CLSTN2: variants seen among roughly 807,000 people sequenced by gnomAD.
CLSTN2 encodes calsyntenin-2.
Under a neutral mutation model 101.2 loss-of-function variants are expected in CLSTN2, and 48 were observed. The observed-to-expected ratio is 0.47, with a 90% CI of 0.38 to 0.60. CLSTN2 has a LOEUF of 0.60. CLSTN2 is among the 20% of genes least tolerant of loss of function. The pLI, the probability that CLSTN2 is intolerant of heterozygous loss-of-function variation, is 0.00. For synonymous variants in CLSTN2, 481 were observed against 463.6 expected (o/e 1.04, Z -0.48); for missense variants, 1,160 against 1,238.2 (o/e 0.94, Z 0.95).
intron 2 of CLSTN2, among the ~76,000 whole-genome samples, chr3:140,209,218 C>T (rs540386301): frequency 6.6e-5 from 10 of 152,186 alleles, no homozygotes; most frequent in East Asian, 1.9e-4. Flanking sequence ...GAGGATGCAG[C>T]GAGCAGCACT....
At chr3:140,497,903 C>T (rs775994637) in intron 8 of CLSTN2, among the ~76,000 whole-genome samples, 1 of 152,168 alleles carries the variant, frequency 6.6e-6, no homozygotes, top group Non-Finnish European at 1.5e-5. Context: ...GTCATACAAT[C>T]ACTCACAGCT....
chr3:140,173,123 G>C (rs781311188), intron 1 of CLSTN2, among the ~76,000 whole-genome samples: 3 of 152,202 alleles, frequency 2.0e-5, no homozygotes, highest in Non-Finnish European at 4.4e-5. Context: ...CTATGAACTT[G>C]TAAAATCAAA....
rs1369067789 is a variant in CLSTN2, at chr3:140,430,237, C to T, written c.787+8963C>T. ...TGTCTGAGGTTCCACCATTGCAGTA[C>T]CAACCTTTTATTTTAATAGATAATC... On this transcript the variant is annotated intron_variant, in intron 5 of 16. Coordinates refer to ENST00000458420, the MANE Select transcript of CLSTN2 (RefSeq NM_022131.3). Among the ~76,000 whole-genome samples, 6 of 152,052 alleles carry T rather than the reference C, an allele frequency of 3.9e-5. No homozygotes were observed. The East Asian group carries it at 1.2e-3, about 29-fold the overall frequency.
intron 2 of CLSTN2, among the ~76,000 whole-genome samples, chr3:140,237,070 G>T (rs1559815331): frequency 6.6e-6 from 1 of 152,050 alleles, no homozygotes; most frequent in Non-Finnish European, 1.5e-5. Context: ...TTTTTTATTG[G>T]ATTCTGGACA....
chr3:140,207,601 G>A (rs374002030), intron 2 of CLSTN2, among the ~76,000 whole-genome samples: 1 of 152,210 alleles, frequency 6.6e-6, no homozygotes, highest in African/African-American at 2.4e-5. Flanking sequence ...TGTTCATGGT[G>A]GTTTTTAAAA....
chr3:140,183,888 G>C (rs1445609822), intron 2 of CLSTN2, among the ~76,000 whole-genome samples: 1 of 152,234 alleles, frequency 6.6e-6, no homozygotes, highest in African/African-American at 2.4e-5. Context: ...CAAGAACACA[G>C]TAGTAATGGT....
chr3:140,279,765 C>T (rs1356141956), intron 2 of CLSTN2, among the ~76,000 whole-genome samples: 1 of 152,144 alleles, frequency 6.6e-6, no homozygotes, highest in Non-Finnish European at 1.5e-5. Flanking sequence ...AGAAATGGGC[C>T]AATAGCTCCT....
intron 1 of CLSTN2, among the ~76,000 whole-genome samples, chr3:140,013,618 G>A (rs112881051): frequency 0.013 from 2,034 of 152,154 alleles, 41 homozygotes; most frequent in African/African-American, 0.042. Context: ...AGAAAATCCA[G>A]TGCTTAGATC....
At chr3:140,348,405 A>C (rs1224403548) in intron 2 of CLSTN2, among the ~76,000 whole-genome samples, 1 of 152,170 alleles carries the variant, frequency 6.6e-6, no homozygotes, top group African/African-American at 2.4e-5. Context: ...TCAATCAGCA[A>C]AGACTATTTT....
chr3:140,560,352 C>A lies in CLSTN2; in HGVS notation c.2041+1495C>A, dbSNP rs534658805. Among the ~76,000 whole-genome samples, 3 of 152,290 alleles carry A rather than the reference C, an allele frequency of 2.0e-5. No individual in the cohort carries two copies. In the East Asian group the frequency reaches 5.8e-4, roughly 29 times the overall value. On this transcript the variant is annotated intron_variant, in intron 12 of 16. Transcript: ENST00000458420. Reference sequence around the variant, plus strand: ...AGACAGGAGATTCCCCCAACATGCACACACACACGCCTCCCTCACACTCTG... The same window carrying A: ...AGACAGGAGATTCCCCCAACATGCAAACACACACGCCTCCCTCACACTCTG...
At chr3:140,358,556 G>C (rs1279885901) in intron 2 of CLSTN2, among the ~76,000 whole-genome samples, 1 of 152,140 alleles carries the variant, frequency 6.6e-6, no homozygotes, top group Non-Finnish European at 1.5e-5. Context: ...AATGTGATTA[G>C]AGACCATGAC....
rs551348282 is a variant in CLSTN2 at position 140,451,410 on chromosome 3, G to A, written c.973+2706G>A. Reference sequence around the variant, plus strand: ...AGCCAGCAAGGCCGTTTCCCCCAAGGTGTGGACTTATTTGGAGTTGGGAGC... The same window carrying A: ...AGCCAGCAAGGCCGTTTCCCCCAAGATGTGGACTTATTTGGAGTTGGGAGC... On this transcript the variant is annotated intron_variant, in intron 6 of 16. Coordinates refer to ENST00000458420, the MANE Select transcript of CLSTN2 (RefSeq NM_022131.3). 5.3e-5 allele frequency among the ~76,000 whole-genome samples: 8 copies of A among 152,306 alleles called. No homozygotes were observed. The East Asian group carries it at 1.5e-3, about 29-fold the overall frequency.
chr3:139,982,367 A>C (rs1443834748), intron 1 of CLSTN2, among the ~76,000 whole-genome samples: 1 of 137,018 alleles, frequency 7.3e-6, no homozygotes, highest in African/African-American at 2.7e-5. Context: ...AAACATCTTA[A>C]ATTTTTTTTT....
intron 11 of CLSTN2, among the ~76,000 whole-genome samples, chr3:140,557,733 C>T (rs1031749125): frequency 6.7e-4 from 102 of 152,290 alleles, no homozygotes; most frequent in African/African-American, 2.4e-3. Context: ...ATGGCTGTCA[C>T]CAGCTGAACC....
chr3:140,516,490 T>C (rs1327328283), intron 8 of CLSTN2, among the ~76,000 whole-genome samples: 6 of 152,198 alleles, frequency 3.9e-5, no homozygotes, highest in Non-Finnish European at 7.3e-5. Context: ...TGTTTCAAGA[T>C]TTAGAGGTGC....
chr3:140,473,890 T>G (rs1188353146), intron 8 of CLSTN2, among the ~76,000 whole-genome samples: 1 of 152,114 alleles, frequency 6.6e-6, no homozygotes, highest in Non-Finnish European at 1.5e-5. Flanking sequence ...CCTGAGTAGC[T>G]GGGACTACAG....
chr3:140,030,645 C>A (rs1188458314), intron 1 of CLSTN2, among the ~76,000 whole-genome samples: 2 of 152,216 alleles, frequency 1.3e-5, no homozygotes, highest in African/African-American at 2.4e-5. Flanking sequence ...CAGGGCTACT[C>A]AGGTACCCTG....
chr3:140,279,018 T>C (rs1485328698), intron 2 of CLSTN2, among the ~76,000 whole-genome samples: 1 of 152,152 alleles, frequency 6.6e-6, no homozygotes, highest in Non-Finnish European at 1.5e-5. Flanking sequence ...CCATGCCTGC[T>C]CTCCATTCTT....
At chr3:140,504,818 C>T (rs962896846) in intron 8 of CLSTN2, among the ~76,000 whole-genome samples, 1 of 152,088 alleles carries the variant, frequency 6.6e-6, no homozygotes, top group East Asian at 1.9e-4. Flanking sequence ...GTAGGAGGAA[C>T]GCTTTTGTGT....
Sources: gnomAD v4.1 joint callset for allele counts (sites outside exome capture counted in the v4.1 genomes callset) on GRCh38, gnomAD v4.1.1 for gene constraint, MANE v1.5 for transcripts, NCBI Gene and HGNC (gene_info 2026-07-23, HGNC 2026-07-21) for gene names.